Variants in SKAP2 observed in about 807,000 individuals in gnomAD.
SKAP2 encodes the protein src kinase-associated phosphoprotein 2.
SKAP2 carries 28 observed loss-of-function variants against 54.9 expected under a neutral mutation model. The observed-to-expected ratio is 0.51, with a 90% CI of 0.38 to 0.70. The LOEUF is 0.70. Among genes scored for constraint, SKAP2 ranks in the 30% least tolerant of loss-of-function variants. The pLI is 0.00. For synonymous variants in SKAP2, 137 were observed against 134.3 expected (o/e 1.02, Z -0.14); for missense variants, 356 against 424.1 (o/e 0.84, Z 1.41).
downstream of SKAP2, among the ~76,000 whole-genome samples, chr7:26,664,804 A>C (rs1282140043): frequency 6.6e-6 from 1 of 151,974 alleles, no homozygotes; most frequent in Non-Finnish European, 1.5e-5. Flanking sequence ...AAGGTACTTA[A>C]GAGATGGGCT....
chr7:26,726,451 T>C (rs1398593024), intron 7 of SKAP2, among the ~76,000 whole-genome samples: 5 of 152,166 alleles, frequency 3.3e-5, no homozygotes, highest in Admixed American at 2.6e-4. Context: ...CTGATAGCTA[T>C]TGAATTGCAG....
At chr7:26,828,614 T>C (rs1236422558) in intron 4 of SKAP2, among the ~76,000 whole-genome samples, 1 of 150,152 alleles carries the variant, frequency 6.7e-6, no homozygotes, top group Non-Finnish European at 1.5e-5. Flanking sequence ...GAGGCAGAGC[T>C]TGCAGTGAGC....
At chr7:26,783,720 A>C (rs1279156364) in intron 4 of SKAP2, among the ~76,000 whole-genome samples, 1 of 152,126 alleles carries the variant, frequency 6.6e-6, no homozygotes, top group Non-Finnish European at 1.5e-5. Flanking sequence ...TAAAGGGACC[A>C]GAAACCTAAA....
chr7:26,688,947 T>C (rs546431966), intron 10 of SKAP2, among the ~76,000 whole-genome samples: 11 of 152,176 alleles, frequency 7.2e-5, no homozygotes, highest in Non-Finnish European at 1.5e-4. Flanking sequence ...TTGAACATAG[T>C]CCTCAAGGTT....
At chr7:26,801,886 C>G (rs1049759218) in intron 4 of SKAP2, among the ~76,000 whole-genome samples, 3 of 152,076 alleles carry the variant, frequency 2.0e-5, no homozygotes, top group African/African-American at 7.2e-5. Flanking sequence ...ATTTCATGTT[C>G]ATGGGTTGGA....
chr7:26,680,083 A>G (rs1405142046), intron 11 of SKAP2, among the ~76,000 whole-genome samples: 2 of 152,216 alleles, frequency 1.3e-5, no homozygotes, highest in Non-Finnish European at 2.9e-5. Flanking sequence ...TTTAATATCA[A>G]AGTACTGTGC....
At position 26,739,560 on chromosome 7, in the gene SKAP2, A is replaced by G. The variant is rs536218516; in HGVS notation, c.385+327T>C. Among the ~76,000 whole-genome samples the G allele has an allele frequency of 2.0e-5, 3 of 152,336 alleles. No individual in the cohort carries two copies. In the East Asian group the frequency reaches 5.8e-4, roughly 29 times the overall value. On this transcript the variant is annotated intron_variant, in intron 5 of 12. Coordinates refer to ENST00000345317, the MANE Select transcript of SKAP2 (RefSeq NM_003930.5). The stretch of plus-strand genomic sequence containing the variant: ...TTGGGCATAGGAGAACCTGCTGCTC[A>G]GCCCATTGAGATACTGGTGAGAAAT...
intron 4 of SKAP2, among the ~76,000 whole-genome samples, chr7:26,814,476 T>G (rs995505752): frequency 5.3e-5 from 8 of 151,986 alleles, no homozygotes; most frequent in Middle Eastern, 3.4e-3. Context: ...TAAAGTCCAG[T>G]TTGTAGTTAG....
chr7:26,699,217 C>A (rs1039286251), intron 9 of SKAP2, among the ~76,000 whole-genome samples: 1 of 152,164 alleles, frequency 6.6e-6, no homozygotes, highest in Admixed American at 6.5e-5. Flanking sequence ...AGAATACCTA[C>A]AATTACCTGC....
At chr7:26,745,818 A>G (rs1309737117) in intron 4 of SKAP2, among the ~76,000 whole-genome samples, 1 of 152,152 alleles carries the variant, frequency 6.6e-6, no homozygotes, top group East Asian at 1.9e-4. Context: ...CCTGGATAAT[A>G]GACCCATTTT....
At chr7:26,715,461 TGG>T (rs764227280) in intron 9 of SKAP2, among the ~76,000 whole-genome samples, 4 of 152,036 alleles carry the variant, frequency 2.6e-5, no homozygotes, top group Admixed American at 6.6e-5. Context: ...TCCAGTTCTT[TGG>T]GGATTAATTC....
chr7:26,748,245 T>A (rs1022599954), intron 4 of SKAP2, among the ~76,000 whole-genome samples: 1 of 152,168 alleles, frequency 6.6e-6, no homozygotes, highest in Non-Finnish European at 1.5e-5. Context: ...CCACTAGTTA[T>A]CACATTGTTA....
chr7:26,850,297 C>T (rs1785011621), intron 3 of SKAP2, among the ~76,000 whole-genome samples: 2 of 151,952 alleles, frequency 1.3e-5, no homozygotes, highest in East Asian at 1.9e-4. Flanking sequence ...GTTATTCTGT[C>T]GGCCGAGCAT....
chr7:26,802,277 GTT>G lies in SKAP2; in HGVS notation c.307+41751_307+41752del, dbSNP rs34323117. 2.2e-4 allele frequency among the ~76,000 whole-genome samples: 26 copies of G among 118,338 alleles called. No homozygotes were observed. In the East Asian group the frequency reaches 5.3e-3, roughly 24 times the overall value. The allele number at this position is 118,338 out of a possible 152,430, so 77.6% of individuals were successfully genotyped here. A position where few individuals can be genotyped will look rare whatever the true frequency, so the allele number is the denominator to read the frequency against. On this transcript the variant is annotated intron_variant, in intron 4 of 12. Coordinates refer to ENST00000345317, the MANE Select transcript of SKAP2 (RefSeq NM_003930.5). ...AAAAGACAGTTTTTTTTTTTTTTTGGTTTTTTTTTTTTTTGAGACGGAGTTTC... is the reference window on the plus strand; with the variant it reads ...AAAAGACAGTTTTTTTTTTTTTTTGGTTTTTTTTTTTTGAGACGGAGTTTC...
chr7:26,864,451 G>A lies in SKAP2; in HGVS notation c.-22C>T, dbSNP rs751292876. 3.8e-6 allele frequency: 6 copies of A among 1,591,196 alleles called. No homozygotes were observed. Among genetic ancestry groups the A allele is most frequent in the African/African-American group, 1.3e-5 (1 of 74,094 alleles). ...GCATGTTAGGGAGCGCAGGGCGTGC[G>A]GGGAAAGGACCTGCGCTGAAAAGGT... is the stretch of plus-strand genomic sequence containing the variant. On this transcript the variant is annotated 5_prime_UTR_variant, in exon 1 of 13. Coordinates refer to ENST00000345317, the MANE Select transcript of SKAP2 (RefSeq NM_003930.5).
intron 11 of SKAP2, among the ~76,000 whole-genome samples, chr7:26,673,695 T>C (rs1446181578): frequency 1.3e-5 from 2 of 152,048 alleles, no homozygotes; most frequent in African/African-American, 4.8e-5. Flanking sequence ...GAGAAAATAA[T>C]AGTAAGGCGG....
At chr7:26,663,218 A>G (rs1200742169), downstream of SKAP2, among the ~76,000 whole-genome samples, 2 of 152,088 alleles carry the variant, frequency 1.3e-5, no homozygotes, top group Non-Finnish European at 2.9e-5. Context: ...TTGGGCTATA[A>G]GACAGTCAGT....
intron 4 of SKAP2, among the ~76,000 whole-genome samples, chr7:26,792,273 G>C (rs1052781144): frequency 1.3e-5 from 2 of 152,168 alleles, no homozygotes; most frequent in African/African-American, 4.8e-5. Context: ...GACTGTGCAA[G>C]TGGTTACCCA....
In SKAP2 at chr7:26,667,543, G is replaced by A. The variant is rs533743198; in HGVS notation, c.*2123C>T. ...TTCAAGTTTTAAAAGAACAAAGGCC[G>A]GTGGAGATCTGAACAGAAATAACAC... On this transcript the variant is annotated 3_prime_UTR_variant, in exon 13 of 13. Coordinates refer to ENST00000345317, the MANE Select transcript of SKAP2 (RefSeq NM_003930.5). 6.6e-6 allele frequency: 1 copy of A among 152,568 alleles called. No homozygotes were observed. Among genetic ancestry groups the A allele is most frequent in the Admixed American group, 6.6e-5 (1 of 15,256 alleles). The allele number at this position is 152,568 out of a possible 1,614,324, so 9.5% of individuals were successfully genotyped here. A position where few individuals can be genotyped will look rare whatever the true frequency, so the allele number is the denominator to read the frequency against.
Sources: gnomAD v4.1 joint callset for allele counts (sites outside exome capture counted in the v4.1 genomes callset) on GRCh38, gnomAD v4.1.1 for gene constraint, MANE v1.5 for transcripts, NCBI Gene and HGNC (gene_info 2026-07-23, HGNC 2026-07-21) for gene names.